The following KREMEN1 variants were observed in gnomAD, a reference collection of about 807,000 sequenced individuals.
KREMEN1 encodes the protein kringle containing transmembrane protein 1.
Under a neutral mutation model 46.5 loss-of-function variants are expected in KREMEN1, and 30 were observed. That is an observed-to-expected ratio of 0.65 (90% CI 0.48 to 0.88). KREMEN1 has a LOEUF of 0.88. Among genes scored for constraint, KREMEN1 ranks in the 40% least tolerant of loss-of-function variants. The pLI is 0.00. For missense variants in KREMEN1, 533 were observed against 596.9 expected (o/e 0.89, Z 1.11); for synonymous variants, 214 against 230.6 (o/e 0.93, Z 0.65).
chr22:29,148,023 G>A (rs201745951), downstream of KREMEN1, among the ~76,000 whole-genome samples: 1 of 152,230 alleles, frequency 6.6e-6, no homozygotes, highest in Non-Finnish European at 1.5e-5. Flanking sequence ...TAGAGGTGGG[G>A]GTTAAGAATG....
At chr22:29,091,281 T>A (rs1409637107) in intron 1 of KREMEN1, among the ~76,000 whole-genome samples, 2 of 152,082 alleles carry the variant, frequency 1.3e-5, no homozygotes, top group Non-Finnish European at 2.9e-5. Context: ...CCATGGATTC[T>A]TTTTATTACA....
chr22:29,110,814 A>C (rs2038135449), intron 3 of KREMEN1, among the ~76,000 whole-genome samples: 1 of 152,186 alleles, frequency 6.6e-6, no homozygotes, highest in Non-Finnish European at 1.5e-5. Flanking sequence ...TTTGGAACGG[A>C]AGTTGCAGAT....
chr22:29,082,783 T>C (rs1371354648), intron 1 of KREMEN1, among the ~76,000 whole-genome samples: 2 of 152,214 alleles, frequency 1.3e-5, no homozygotes, highest in African/African-American at 4.8e-5. Flanking sequence ...CTGGTTTCTA[T>C]AGAAGTTAGT....
intron 3 of KREMEN1, among the ~76,000 whole-genome samples, chr22:29,104,692 A>T (rs1342665900): frequency 3.9e-5 from 6 of 152,134 alleles, no homozygotes; most frequent in African/African-American, 7.2e-5. Context: ...GGATCACCTG[A>T]GGTCAGGAGT....
In KREMEN1 at chr22:29,128,099, GACTGCTTAATAGGT is replaced by G. The variant is rs1420941488; in HGVS notation, c.631+2686_631+2699del. Among the ~76,000 whole-genome samples the G allele has an allele frequency of 1.8e-4, 27 of 152,278 alleles. No individual in the cohort carries two copies. The East Asian group carries it at 4.8e-3, about 27-fold the overall frequency. ...TGGGGGAAGGGGAAGAATATGGAGT[GACTGCTTAATAGGT>G]ACGGATTTTCTTTTTAGGGTGATAA... is the stretch of plus-strand genomic sequence containing the variant. On this transcript the variant is annotated intron_variant, in intron 5 of 8. Coordinates refer to ENST00000400335, the MANE Select transcript of KREMEN1 (RefSeq NM_001039570.3).
At chr22:29,124,788 C>T (rs898533433) in intron 4 of KREMEN1, among the ~76,000 whole-genome samples, 7 of 152,224 alleles carry the variant, frequency 4.6e-5, no homozygotes, top group South Asian at 4.1e-4. Flanking sequence ...CCACCATGCC[C>T]GGCTGTGGTT....
At chr22:29,131,654 GTATATA>G (rs1393477057) in intron 5 of KREMEN1, among the ~76,000 whole-genome samples, 1 of 94,094 alleles carries the variant, frequency 1.1e-5, no homozygotes, top group African/African-American at 4.3e-5. Flanking sequence ...GTATATATAT[GTATATA>G]TATACATGTA....
Position 29,143,925 on chromosome 22 carries a change from T to C in KREMEN1, c.*1813T>C. On this transcript the variant is annotated 3_prime_UTR_variant, in exon 9 of 9. Transcript: ENST00000400335. ...TGCCAGAAGAGGGTGGGTTTGGGAA[T>C]TGGAGCTCCTCCAAGGAGCTCCTCC... 2.0e-6 allele frequency: 2 copies of C among 985,438 alleles called. No individual in the cohort carries two copies. Among genetic ancestry groups the C allele is most frequent in the African/African-American group, 1.7e-5 (1 of 57,344 alleles). The allele number at this position is 985,438 out of a possible 1,614,324, so 61.0% of individuals were successfully genotyped here.
intron 1 of KREMEN1, among the ~76,000 whole-genome samples, chr22:29,092,347 G>A (rs2061115751): frequency 6.6e-6 from 1 of 152,150 alleles, no homozygotes; most frequent in Admixed American, 6.5e-5. Flanking sequence ...GTAAAATGGG[G>A]TACTAAGGTA....
At chr22:29,158,050 T>A (rs1280973591) in intron 9 of KREMEN1, among the ~76,000 whole-genome samples, 2 of 152,162 alleles carry the variant, frequency 1.3e-5, no homozygotes, top group African/African-American at 4.8e-5. Context: ...TTAGCGAATA[T>A]ATAGCCTGTC....
In KREMEN1 at chr22:29,144,378, C is replaced by G; in HGVS notation, c.*2266C>G. 2 of 986,020 alleles carry G rather than the reference C, an allele frequency of 2.0e-6. No individual in the cohort carries two copies. Among genetic ancestry groups the G allele is most frequent in the Non-Finnish European group, 2.4e-6 (2 of 830,398 alleles). The allele number at this position is 986,020 out of a possible 1,614,324, so 61.1% of individuals were successfully genotyped here. A position where few individuals can be genotyped will look rare whatever the true frequency, so the allele number is the denominator to read the frequency against. ...CAGAGGGGCCTTCAGAGGAGGGAAA[C>G]GGAGCAATGTGTCACAGGCAGGCAG... On this transcript the variant is annotated 3_prime_UTR_variant, in exon 9 of 9. Transcript: ENST00000400335.
intron 8 of KREMEN1, among the ~76,000 whole-genome samples, chr22:29,141,176 C>A (rs1264987828): frequency 1.3e-5 from 2 of 152,104 alleles, no homozygotes; most frequent in Non-Finnish European, 2.9e-5. Flanking sequence ...AACCCCTTTA[C>A]ATAGACACCT....
intron 3 of KREMEN1, among the ~76,000 whole-genome samples, chr22:29,108,638 A>G (rs1406359977): frequency 3.9e-5 from 6 of 152,220 alleles, no homozygotes; most frequent in African/African-American, 1.2e-4. Flanking sequence ...TCTAATTCCT[A>G]GAATATGTTA....
Position 29,089,093 on chromosome 22 carries a change from T to C in KREMEN1, c.98-5165T>C, listed in dbSNP as rs138640196. 3.4e-3 allele frequency among the ~76,000 whole-genome samples: 522 copies of C among 152,314 alleles called. 7 individuals are homozygous for C. The East Asian group carries it at 0.036, about 11-fold the overall frequency. On this transcript the variant is annotated intron_variant, in intron 1 of 8. Transcript: ENST00000400335. ...CAGATGTTGGGGCTGATACACACAG[T>C]ATCCTATTCTCTCTACACGTAAGTG... is the stretch of plus-strand genomic sequence containing the variant.
chr22:29,149,169 CTTTT>C (rs557993177), downstream of KREMEN1, among the ~76,000 whole-genome samples: 1 of 145,748 alleles, frequency 6.9e-6, no homozygotes, highest in South Asian at 2.2e-4. Context: ...ATAATGGCAC[CTTTT>C]TTTTTTTTGA....
At chr22:29,112,227 C>T (rs1465587862) in intron 3 of KREMEN1, among the ~76,000 whole-genome samples, 1 of 152,206 alleles carries the variant, frequency 6.6e-6, no homozygotes, top group South Asian at 2.1e-4. Context: ...TGCTTGCATT[C>T]ACTGAGCGGA....
chr22:29,130,288 T>C (rs1416823171), intron 5 of KREMEN1, among the ~76,000 whole-genome samples: 3 of 152,200 alleles, frequency 2.0e-5, no homozygotes, highest in Non-Finnish European at 2.9e-5. Flanking sequence ...AAGAGATTAA[T>C]TGTGAAAGTG....
intron 3 of KREMEN1, among the ~76,000 whole-genome samples, chr22:29,104,270 C>T (rs1246247529): frequency 6.6e-6 from 1 of 151,798 alleles, no homozygotes; most frequent in Non-Finnish European, 1.5e-5. Flanking sequence ...AGTCTTCCCA[C>T]CTCAGCCTCC....
At chr22:29,164,760 A>AC (rs1451911963) in intron 9 of KREMEN1, among the ~76,000 whole-genome samples, 2 of 150,152 alleles carry the variant, frequency 1.3e-5, no homozygotes, top group Non-Finnish European at 3.0e-5. Flanking sequence ...AAAAAAACAA[A>AC]AAAAAAAACC....
Sources: allele counts gnomAD v4.1 joint callset (sites outside exome capture counted in the v4.1 genomes callset), GRCh38; gene constraint gnomAD v4.1.1; transcripts MANE v1.5; gene names NCBI Gene and HGNC (gene_info 2026-07-23, HGNC 2026-07-21).